Variants in PTPN4 observed in about 807,000 individuals in gnomAD.
PTPN4 encodes protein tyrosine phosphatase non-receptor type 4, also known as tyrosine-protein phosphatase non-receptor type 4.
PTPN4 carries 49 observed loss-of-function variants against 135.5 expected under a neutral mutation model. That is an observed-to-expected ratio of 0.36 (90% CI 0.29 to 0.46). The LOEUF (loss-of-function observed/expected upper bound fraction) is 0.46, where lower values mean the gene tolerates loss of function less well. PTPN4 is among the 20% of genes least tolerant of loss of function. The pLI, the probability that PTPN4 is intolerant of heterozygous loss-of-function variation, is 1.00. For missense variants in PTPN4, 860 were observed against 1,101.0 expected, an observed-to-expected ratio of 0.78 and a Z score of 3.10; for synonymous variants, 333 against 369.9, an observed-to-expected ratio of 0.90 and a Z score of 1.14.
chr2:119,775,991 T>C (rs1690829752), intron 1 of PTPN4, among the ~76,000 whole-genome samples: 1 of 152,114 alleles, frequency 6.6e-6, no homozygotes, highest in Non-Finnish European at 1.5e-5. Context: ...TACCAGATGA[T>C]AAGCAAGAAG....
chr2:119,905,807 G>A lies in PTPN4; in HGVS notation c.764+5001G>A, dbSNP rs565865140. Among the ~76,000 whole-genome samples, 37 of 152,086 alleles carry A rather than the reference G, an allele frequency of 2.4e-4. No individual in the cohort carries two copies. The South Asian group carries it at 5.8e-3, about 24-fold the overall frequency. On this transcript the variant is annotated intron_variant, in intron 10 of 26. Coordinates refer to ENST00000263708, the MANE Select transcript of PTPN4 (RefSeq NM_002830.4). ...AATAAAACTAGAAATCAATAACAAG[G>A]AACTTTGGAAACTGTACAAATACAT...
intron 9 of PTPN4, among the ~76,000 whole-genome samples, chr2:119,895,806 A>G (rs963529720): frequency 6.6e-6 from 1 of 151,226 alleles, no homozygotes; most frequent in Non-Finnish European, 1.5e-5. Context: ...AGTCCCAGCT[A>G]CTCTGGAGGC....
At chr2:119,798,045 T>A (rs1691294395) in intron 1 of PTPN4, among the ~76,000 whole-genome samples, 1 of 152,184 alleles carries the variant, frequency 6.6e-6, no homozygotes, top group African/African-American at 2.4e-5. Context: ...ATAGGTACAT[T>A]AAATATGTTT....
chr2:119,972,483 A>G (rs941319989), intron 26 of PTPN4, among the ~76,000 whole-genome samples: 1 of 152,108 alleles, frequency 6.6e-6, no homozygotes, highest in Non-Finnish European at 1.5e-5. Context: ...TGACAAGATC[A>G]TGTCATCATG....
intron 2 of PTPN4, among the ~76,000 whole-genome samples, chr2:119,842,113 G>A (rs1677390419): frequency 6.6e-6 from 1 of 152,188 alleles, no homozygotes; most frequent in Non-Finnish European, 1.5e-5. Flanking sequence ...ATGCAGAGGA[G>A]TAGAGTGAAA....
Position 119,965,700 on chromosome 2 carries a change from A to G in PTPN4, c.2558+55A>G, listed in dbSNP as rs573950068. On this transcript the variant is annotated intron_variant, in intron 25 of 26. Transcript: ENST00000263708. ...ATAGCTGAACAGATACGTCATTTTT[A>G]AAAGAGAGTACATATTTTGTCCTTA... 3.3e-6 allele frequency: 5 copies of G among 1,535,548 alleles called. No individual in the cohort carries two copies. In the African/African-American group the frequency reaches 6.9e-5, roughly 21 times the overall value.
Position 119,857,763 on chromosome 2 carries a change from A to G in PTPN4, c.139-4773A>G, listed in dbSNP as rs749585480. On this transcript the variant is annotated intron_variant, in intron 2 of 26. Transcript: ENST00000263708. ...TTCCTATTGAGTATTTTCTGTTGACATAGAATTCTGGATTGGCAGGCTTGG... is the reference window on the plus strand; with the variant it reads ...TTCCTATTGAGTATTTTCTGTTGACGTAGAATTCTGGATTGGCAGGCTTGG... 5.3e-5 allele frequency among the ~76,000 whole-genome samples: 8 copies of G among 152,106 alleles called. No homozygotes were observed. The South Asian group carries it at 8.3e-4, about 16-fold the overall frequency.
At chr2:119,777,902 G>T (rs1049300191) in intron 1 of PTPN4, among the ~76,000 whole-genome samples, 1 of 151,940 alleles carries the variant, frequency 6.6e-6, no homozygotes, top group Non-Finnish European at 1.5e-5. Context: ...AGGATGCTCT[G>T]GTCTCAGCCT....
At position 119,982,389 on chromosome 2, in the gene PTPN4, C is replaced by CT. The variant is rs1416909662; in HGVS notation, c.*5320dup. On this transcript the variant is annotated 3_prime_UTR_variant, in exon 27 of 27. Transcript: ENST00000263708. ...ATTATGGCTTGATTCTAAGGATACTCTATTTGTTTTAAAGTCTACACGGGA... is the reference window on the plus strand; with the variant it reads ...ATTATGGCTTGATTCTAAGGATACTCTTATTTGTTTTAAAGTCTACACGGGA... 2 of 152,008 alleles carry CT rather than the reference C, an allele frequency of 1.3e-5. No homozygotes were observed. Among genetic ancestry groups the CT allele is most frequent in the Non-Finnish European group, 2.9e-5 (2 of 67,998 alleles). 9.4% of individuals were successfully genotyped at this position (152,008 alleles called of 1,614,324 possible).
chr2:119,973,655 GTTTTTTTTTTTT>G (rs70949378), intron 26 of PTPN4, among the ~76,000 whole-genome samples: 5 of 38,394 alleles, frequency 1.3e-4, no homozygotes, highest in Admixed American at 4.4e-4. Context: ...TTCATTTCTT[GTTTTTTTTTTTT>G]TTTTTTTTTT....
chr2:119,796,311 C>G (rs1691259786), intron 1 of PTPN4, among the ~76,000 whole-genome samples: 1 of 152,176 alleles, frequency 6.6e-6, no homozygotes, highest in Non-Finnish European at 1.5e-5. Flanking sequence ...ATCTATTACT[C>G]CTGAAAGTTT....
At chr2:119,858,636 A>G (rs528039118) in intron 2 of PTPN4, among the ~76,000 whole-genome samples, 1 of 149,986 alleles carries the variant, frequency 6.7e-6, no homozygotes, top group South Asian at 2.1e-4. Context: ...TTATTTTTTC[A>G]GTCTGTTTTT....
At chr2:119,959,663 A>G (rs2105057843) in intron 22 of PTPN4, among the ~76,000 whole-genome samples, 1 of 152,374 alleles carries the variant, frequency 6.6e-6, no homozygotes, top group South Asian at 2.1e-4. Flanking sequence ...TATTTAGTAC[A>G]TATACTATAA....
intron 1 of PTPN4, among the ~76,000 whole-genome samples, chr2:119,806,871 AAACT>A (rs1166999018): frequency 6.6e-6 from 1 of 152,210 alleles, no homozygotes; most frequent in Non-Finnish European, 1.5e-5. Context: ...AAATCACAAC[AAACT>A]GTCTCTCAGA....
At chr2:119,900,993 T>C (rs1678393900) in intron 10 of PTPN4, among the ~76,000 whole-genome samples, 187 bp downstream of exon 10, 2 of 152,236 alleles carry the variant, frequency 1.3e-5, no homozygotes, top group South Asian at 2.1e-4. Flanking sequence ...AAAATTACTT[T>C]TTAAAAATTA....
chr2:119,885,731 A>T, intron 8 of PTPN4, 64 bp from the exon 9 acceptor site: 8 of 1,177,636 alleles, frequency 6.8e-6, no homozygotes. Flanking sequence ...GCCTTTTTCT[A>T]ATTTAGCCAT....
intron 2 of PTPN4, among the ~76,000 whole-genome samples, chr2:119,839,854 T>G (rs2104969395): frequency 6.6e-6 from 1 of 152,290 alleles, no homozygotes; most frequent in East Asian, 1.9e-4. Context: ...TGCAGCTTGC[T>G]TAGAGAGTAA....
intron 2 of PTPN4, among the ~76,000 whole-genome samples, chr2:119,845,981 A>G (rs891988033): frequency 6.6e-6 from 1 of 152,168 alleles, no homozygotes; most frequent in South Asian, 2.1e-4. Context: ...TAATATCGAC[A>G]TATTTGTGAA....
At chr2:119,936,569 C>T (rs1678987259) in intron 15 of PTPN4, among the ~76,000 whole-genome samples, 1 of 152,174 alleles carries the variant, frequency 6.6e-6, no homozygotes, top group South Asian at 2.1e-4. Context: ...GAAGAGGTGC[C>T]TTCCACCATG....
Sources: gnomAD v4.1 joint callset for allele counts (sites outside exome capture counted in the v4.1 genomes callset) on GRCh38, gnomAD v4.1.1 for gene constraint, MANE v1.5 for transcripts, NCBI Gene and HGNC (gene_info 2026-07-23, HGNC 2026-07-21) for gene names.